The following PPP1R1C variants were observed in gnomAD, a reference collection of about 807,000 sequenced individuals.
The protein encoded by PPP1R1C is protein phosphatase 1 regulatory subunit 1C.
A neutral mutation model predicts 17.4 loss-of-function variants in PPP1R1C; 15 were observed. That is an observed-to-expected ratio of 0.86 (90% confidence interval 0.58 to 1.33). The LOEUF (loss-of-function observed/expected upper bound fraction) is 1.33, where lower values mean the gene tolerates loss of function less well. Among genes scored for constraint, PPP1R1C ranks in the 40% most tolerant of loss-of-function variants. The pLI is 0.00. For synonymous variants in PPP1R1C, 35 were observed against 43.1 expected, an observed-to-expected ratio of 0.81 and a Z score of 0.73; for missense variants, 143 against 130.0, an observed-to-expected ratio of 1.10 and a Z score of -0.48.
intron 4 of PPP1R1C, among the ~76,000 whole-genome samples, chr2:182,111,997 A>G (rs1380514364): frequency 6.6e-6 from 1 of 152,110 alleles, no homozygotes; most frequent in Non-Finnish European, 1.5e-5. Flanking sequence ...AGTCCAAATT[A>G]CTATCCATTG....
intron 2 of PPP1R1C, among the ~76,000 whole-genome samples, chr2:182,015,292 A>G (rs1440495771): frequency 2.6e-5 from 4 of 152,094 alleles, no homozygotes; most frequent in Non-Finnish European, 5.9e-5. Context: ...TGGTTTTATA[A>G]GGTTCTCATT....
chr2:182,013,829 T>C (rs1332045743), intron 2 of PPP1R1C, among the ~76,000 whole-genome samples: 2 of 152,210 alleles, frequency 1.3e-5, no homozygotes, highest in African/African-American at 4.8e-5. Context: ...GACTCAGATA[T>C]GTTTTTCAGT....
At chr2:181,980,932 T>C (rs938032827), upstream of PPP1R1C, among the ~76,000 whole-genome samples, 8 of 150,552 alleles carry the variant, frequency 5.3e-5, no homozygotes, top group Admixed American at 5.3e-4. Flanking sequence ...GAGAAGTTTT[T>C]TTTTTTTTTT....
intron 2 of PPP1R1C, among the ~76,000 whole-genome samples, chr2:182,015,312 C>T (rs1686228985): frequency 6.6e-6 from 1 of 152,162 alleles, no homozygotes; most frequent in African/African-American, 2.4e-5. Context: ...TCTCTCTTCC[C>T]TGCTGCCATG....
At chr2:182,045,379 TATAGAA>T (rs1171245223) in intron 2 of PPP1R1C, among the ~76,000 whole-genome samples, 1 of 152,000 alleles carries the variant, frequency 6.6e-6, no homozygotes, top group Non-Finnish European at 1.5e-5. Flanking sequence ...GATAAAAACT[TATAGAA>T]AGTGAAATAG....
At chr2:181,980,603 A>G (rs1447578665) in intron 2 of PPP1R1C, among the ~76,000 whole-genome samples, 6 of 152,182 alleles carry the variant, frequency 3.9e-5, no homozygotes, top group Non-Finnish European at 8.8e-5. Flanking sequence ...CCTCTCTCTG[A>G]TGTCAACTCA....
At chr2:182,057,729 C>T (rs928959429) in intron 2 of PPP1R1C, among the ~76,000 whole-genome samples, 2 of 151,980 alleles carry the variant, frequency 1.3e-5, no homozygotes, top group African/African-American at 4.8e-5. Flanking sequence ...TTCCTTATAC[C>T]TCTTTAATTG....
chr2:182,053,767 T>G (rs1574413966), intron 2 of PPP1R1C, among the ~76,000 whole-genome samples: 1 of 151,488 alleles, frequency 6.6e-6, no homozygotes, highest in African/African-American at 2.4e-5. Context: ...TTTTATTTAT[T>G]TATTTATTTA....
Position 181,987,878 on chromosome 2 carries a change from C to G in PPP1R1C, c.121C>G (p.Leu41Val), listed in dbSNP as rs1389163505. 3 of 1,613,246 alleles carry G rather than the reference C, an allele frequency of 1.9e-6. No individual in the cohort carries two copies. Among genetic ancestry groups the G allele is most frequent in the Non-Finnish European group, 2.5e-6 (3 of 1,179,442 alleles). ...RRPTPASLVI[L>V]NEHNPPEIDD... The stretch of plus-strand genomic sequence containing the variant: ...ACCTACACCAGCATCACTTGTGATT[C>G]TCAATGAGCATAACCCCCCAGGTAA... The change falls in exon 2 of 5, where the codon CTC becomes GTC. Residue 41 changes from leucine (L) to valine (V), a missense_variant. By Grantham distance (32) the Leu-to-Val change is conservative. Transcript: ENST00000682840.
chr2:181,968,787 C>G (rs1352969089), intron 1 of PPP1R1C, among the ~76,000 whole-genome samples: 1 of 151,786 alleles, frequency 6.6e-6, no homozygotes, highest in Non-Finnish European at 1.5e-5. Flanking sequence ...TACTTCTTTC[C>G]TTTTAGTGAA....
chr2:182,108,297 A>G (rs1319133123), intron 4 of PPP1R1C, among the ~76,000 whole-genome samples: 3 of 152,132 alleles, frequency 2.0e-5, no homozygotes, highest in Admixed American at 2.0e-4. Context: ...TTGCAGAAGA[A>G]CTTCTTGGAG....
intron 4 of PPP1R1C, among the ~76,000 whole-genome samples, chr2:182,112,692 A>G (rs1195049415): frequency 6.6e-6 from 1 of 152,106 alleles, no homozygotes; most frequent in Non-Finnish European, 1.5e-5. Flanking sequence ...TCAAATTCAT[A>G]ATTACTTGCA....
At chr2:182,115,821 G>A (rs1023719075) in intron 4 of PPP1R1C, among the ~76,000 whole-genome samples, 5 of 152,126 alleles carry the variant, frequency 3.3e-5, no homozygotes, top group African/African-American at 1.2e-4. Flanking sequence ...AGCCGTACAT[G>A]CAAACTTACA....
At chr2:182,004,362 C>A (rs969835080) in intron 2 of PPP1R1C, among the ~76,000 whole-genome samples, 1 of 152,114 alleles carries the variant, frequency 6.6e-6, no homozygotes, top group African/African-American at 2.4e-5. Context: ...AGGTAATGTG[C>A]TGAGTTGAGG....
At chr2:181,995,723 G>A (rs1278695925) in intron 2 of PPP1R1C, among the ~76,000 whole-genome samples, 1 of 151,466 alleles carries the variant, frequency 6.6e-6, no homozygotes, top group Non-Finnish European at 1.5e-5. Context: ...TGTGCTTGAT[G>A]GAAAAAGATT....
intron 2 of PPP1R1C, among the ~76,000 whole-genome samples, chr2:181,997,917 A>G (rs578020297): frequency 6.6e-5 from 10 of 152,180 alleles, no homozygotes; most frequent in Non-Finnish European, 1.3e-4. Flanking sequence ...TGGCTCCTCT[A>G]TCTCTCCTTC....
intron 2 of PPP1R1C, among the ~76,000 whole-genome samples, chr2:182,057,061 T>G (rs151123862): frequency 8.1e-4 from 123 of 152,362 alleles, no homozygotes; most frequent in African/African-American, 2.9e-3. Flanking sequence ...ATTGCACTAC[T>G]ATTGTAATTT....
At chr2:182,009,344 C>A (rs749999381) in intron 2 of PPP1R1C, among the ~76,000 whole-genome samples, 3 of 152,090 alleles carry the variant, frequency 2.0e-5, no homozygotes, top group Non-Finnish European at 4.4e-5. Context: ...GAGATGATAT[C>A]TCATAGTAGT....
In PPP1R1C at chr2:182,057,959, C is replaced by T. The variant is rs548751194; in HGVS notation, c.143-3483C>T. Among the ~76,000 whole-genome samples the T allele has an allele frequency of 8.6e-5, 13 of 152,032 alleles. 1 individual carries two copies. Among genetic ancestry groups the T allele is most frequent in the African/African-American group, 1.4e-4 (6 of 41,494 alleles). On this transcript the variant is annotated intron_variant, in intron 2 of 4. Coordinates refer to ENST00000682840, the MANE Select transcript of PPP1R1C (RefSeq NM_001080545.3). ...ATTTTTTTAAAGAGTTTTAGATTTA[C>T]GGAAAAATTGAACGAAGGGCACATT...
Sources: gnomAD v4.1 joint callset for allele counts (sites outside exome capture counted in the v4.1 genomes callset) on GRCh38, gnomAD v4.1.1 for gene constraint, MANE v1.5 for transcripts, NCBI Gene and HGNC (gene_info 2026-07-23, HGNC 2026-07-21) for gene names.